KCND3: variants seen among roughly 807,000 people sequenced by gnomAD.
KCND3 encodes the protein A-type voltage-gated potassium channel KCND3.
A neutral mutation model predicts 51.1 loss-of-function variants in KCND3; 9 were observed. The observed-to-expected ratio is 0.18, with a 90% CI of 0.11 to 0.31. The LOEUF (loss-of-function observed/expected upper bound fraction) is 0.31. KCND3 is among the 10% of genes least tolerant of loss of function. The pLI is 1.00. For synonymous variants in KCND3, 349 were observed against 368.0 expected (o/e 0.95, Z 0.59); for missense variants, 526 against 903.8 (o/e 0.58, Z 5.36).
intron 2 of KCND3, among the ~76,000 whole-genome samples, chr1:111,898,234 A>G (rs895192916): frequency 2.0e-5 from 3 of 151,806 alleles, no homozygotes; most frequent in Non-Finnish European, 4.4e-5. Flanking sequence ...CTCTTACCTT[A>G]GCCTTTCTTT....
Position 111,771,816 on chromosome 1 carries a change from C to T in KCND3, c.*4261G>A, listed in dbSNP as rs1663942123. The T allele has an allele frequency of 6.6e-6, 1 of 152,118 alleles. No individual in the cohort carries two copies. Among genetic ancestry groups the T allele is most frequent in the African/African-American group, 2.4e-5 (1 of 41,416 alleles). 9.4% of individuals were successfully genotyped at this position (152,118 alleles called of 1,614,324 possible). On this transcript the variant is annotated 3_prime_UTR_variant, in exon 8 of 8. Coordinates refer to ENST00000302127, the MANE Select transcript of KCND3 (RefSeq NM_001378969.1). ...TGTGTTCAACTGTCACTGAGAATAT[C>T]TATTGGTCTTTTGAAAGGGAGTCTA... is the stretch of plus-strand genomic sequence containing the variant.
rs564468224 is a variant in KCND3, at chr1:111,888,423, C to T, written c.1106+93198G>A. On this transcript the variant is annotated intron_variant, in intron 2 of 7. Transcript: ENST00000302127. ...CAGTGAGGCCGGGTATGGTGGCTCA[C>T]GCCTGTGATCCCAGCACTTTGGGAG... is the stretch of plus-strand genomic sequence containing the variant. 2.1e-4 allele frequency among the ~76,000 whole-genome samples: 32 copies of T among 152,280 alleles called. No homozygotes were observed. The South Asian group carries it at 3.9e-3, about 19-fold the overall frequency.
chr1:111,938,332 T>C lies in KCND3; in HGVS notation c.1106+43289A>G, dbSNP rs145975348. On this transcript the variant is annotated intron_variant, in intron 2 of 7. Transcript: ENST00000302127. ...GTGTCCATTTCCTGCCAGACACTAT[T>C]GTAGTTCATGTATGAACATGAAACC... Among the ~76,000 whole-genome samples, 257 of 152,380 alleles carry C rather than the reference T, an allele frequency of 1.7e-3. 1 individual carries two copies. Among genetic ancestry groups the C allele is most frequent in the South Asian group, 0.014 (69 of 4,832 alleles).
chr1:111,872,091 T>C (rs910493385), intron 2 of KCND3, among the ~76,000 whole-genome samples: 1 of 152,252 alleles, frequency 6.6e-6, no homozygotes, highest in Non-Finnish European at 1.5e-5. Context: ...ATGTGATGCT[T>C]ACTAAGTGCA....
At chr1:111,846,139 G>C (rs1204453338) in intron 2 of KCND3, among the ~76,000 whole-genome samples, 1 of 152,206 alleles carries the variant, frequency 6.6e-6, no homozygotes, top group Admixed American at 6.5e-5. Context: ...GGGATTGTCT[G>C]TGAGTGAATG....
rs1423029428 is a variant in KCND3 at position 111,780,262 on chromosome 1, T to C, written c.1424A>G (p.Gln475Arg). The change falls in exon 5 of 8, where the codon CAG (glutamine) becomes CGG (arginine). Residue 475 changes from glutamine to arginine, a missense_variant. Physicochemically the swap from Gln to Arg is conservative, Grantham distance 43 (BLOSUM62 1). Transcript: ENST00000302127. The surrounding 1 kb of genome is among the most constrained non-coding windows in gnomAD (Gnocchi z 4.2). ...MGKTTSLIES[Q>R]HHHLLHCLEK... ...CAGGCAGTGCAGCAGGTGATGATGC[T>C]GGCTCTCGATGAGTGAGGTGGTCTT... 2 of 1,589,120 alleles carry C rather than the reference T, an allele frequency of 1.3e-6. No homozygotes were observed. Among genetic ancestry groups the C allele is most frequent in the African/African-American group, 1.3e-5 (1 of 74,594 alleles).
chr1:111,980,160 G>A (rs181522018), intron 2 of KCND3, among the ~76,000 whole-genome samples: 2 of 151,260 alleles, frequency 1.3e-5, no homozygotes, highest in East Asian at 3.9e-4. Flanking sequence ...AAGGTCAAAT[G>A]ACCAAACATT....
intron 2 of KCND3, among the ~76,000 whole-genome samples, chr1:111,896,109 G>C (rs1670099284): frequency 1.3e-5 from 2 of 152,246 alleles, no homozygotes; most frequent in African/African-American, 4.8e-5. Flanking sequence ...CGGGAGGCAG[G>C]TGTGACCAGC....
chr1:111,902,277 G>C (rs1334800581), intron 2 of KCND3, among the ~76,000 whole-genome samples: 6 of 152,202 alleles, frequency 3.9e-5, no homozygotes, highest in African/African-American at 1.4e-4. Context: ...AGGGATTAAA[G>C]GGGTAACGGA....
intron 2 of KCND3, among the ~76,000 whole-genome samples, chr1:111,972,787 C>G (rs1279759543): frequency 6.6e-6 from 1 of 152,216 alleles, no homozygotes; most frequent in African/African-American, 2.4e-5. Flanking sequence ...CTTTATTTCT[C>G]TATCCCCCAA....
intron 2 of KCND3, among the ~76,000 whole-genome samples, chr1:111,891,311 AG>A (rs1399839343): frequency 6.6e-6 from 1 of 152,188 alleles, no homozygotes; most frequent in Non-Finnish European, 1.5e-5. Context: ...TGCTGCAAAG[AG>A]AAGGAAAAAA....
At chr1:111,854,494 G>A (rs1667967500) in intron 2 of KCND3, among the ~76,000 whole-genome samples, 1 of 152,142 alleles carries the variant, frequency 6.6e-6, no homozygotes, top group African/African-American at 2.4e-5. Context: ...GAGGCAGAAA[G>A]GCAGAAACCA....
chr1:111,860,750 C>G (rs1441999053), intron 2 of KCND3, among the ~76,000 whole-genome samples: 10 of 152,234 alleles, frequency 6.6e-5, no homozygotes, highest in African/African-American at 1.4e-4. Context: ...GCTCTCCTCT[C>G]TCATTCAGGT....
intron 2 of KCND3, among the ~76,000 whole-genome samples, chr1:111,966,430 G>A (rs754593122): frequency 1.1e-4 from 16 of 152,178 alleles, no homozygotes; most frequent in Non-Finnish European, 1.9e-4. Flanking sequence ...GGTATCAGTA[G>A]GGCTGGGGTG....
At chr1:111,966,860 A>T (rs942669375) in intron 2 of KCND3, among the ~76,000 whole-genome samples, 8 of 152,146 alleles carry the variant, frequency 5.3e-5, no homozygotes, top group Non-Finnish European at 1.0e-4. Flanking sequence ...GGGTAAACTC[A>T]TGGGGCATGG....
chr1:111,830,362 A>G (rs1478546), intron 2 of KCND3, among the ~76,000 whole-genome samples: 80,564 of 152,008 alleles, frequency 0.53, 24,197 homozygotes, highest in Non-Finnish European at 0.67. Flanking sequence ...CAGACCTTGC[A>G]CTCATTCATG....
Position 111,776,240 on chromosome 1 carries a change from C to G in KCND3, c.1805G>C (p.Arg602Thr). 1 of 1,614,128 alleles carries G rather than the reference C, an allele frequency of 6.2e-7. No homozygotes were observed. The highest frequency in any genetic ancestry group is 8.5e-7 in the Non-Finnish European group (1 of 1,180,022). ...SLNLKADDGL[R>T]PNCKTSQITT... ...GATCTGGGATGTTTTGCAGTTTGGT[C>G]TCAGTCCGTCGTCTGCTTTCAAATT... Residue 602 changes from arginine (R) to threonine (T), a missense_variant, in exon 8 of 8, where the codon AGA becomes ACA. Physicochemically the swap from Arg to Thr is moderately conservative, Grantham distance 71. Coordinates refer to ENST00000302127, the MANE Select transcript of KCND3 (RefSeq NM_001378969.1).
chr1:111,918,587 G>A (rs996282975), intron 2 of KCND3, among the ~76,000 whole-genome samples: 1 of 152,152 alleles, frequency 6.6e-6, no homozygotes, highest in Admixed American at 6.5e-5. Context: ...ATGGTGCTTT[G>A]GGGGCACAGA....
At chr1:111,895,411 T>C (rs1670059377) in intron 2 of KCND3, among the ~76,000 whole-genome samples, 1 of 152,292 alleles carries the variant, frequency 6.6e-6, no homozygotes, top group African/African-American at 2.4e-5. Context: ...GAAGGGGTAA[T>C]AAAAATTAAA....
Sources: gnomAD v4.1 joint callset for allele counts (sites outside exome capture counted in the v4.1 genomes callset) on GRCh38, gnomAD v4.1.1 for gene constraint, Gnocchi (gnomAD v3.1) non-coding constraint, MANE v1.5 for transcripts, NCBI Gene and HGNC (gene_info 2026-07-23, HGNC 2026-07-21) for gene names.